The following FGGY variants were observed in gnomAD, a reference collection of about 807,000 sequenced individuals.
FGGY encodes FGGY carbohydrate kinase domain containing.
Under a neutral mutation model 71.3 loss-of-function variants are expected in FGGY, and 72 were observed. The observed-to-expected ratio is 1.01, with a 90% confidence interval of 0.84 to 1.23. The LOEUF (loss-of-function observed/expected upper bound fraction) is 1.23. Among genes scored for constraint, FGGY ranks in the 50% most tolerant of loss-of-function variants. The pLI is 0.00. For missense variants in FGGY, 668 were observed against 682.3 expected, an observed-to-expected ratio of 0.98 and a Z score of 0.23; for synonymous variants, 251 against 250.3, an observed-to-expected ratio of 1.00 and a Z score of -0.02.
chr1:59,595,967 T>C (rs192371759), intron 8 of FGGY, among the ~76,000 whole-genome samples: 1 of 152,280 alleles, frequency 6.6e-6, no homozygotes, highest in East Asian at 1.9e-4. Flanking sequence ...AGCTGAATAC[T>C]GTTACTCTGA....
intron 12 of FGGY, among the ~76,000 whole-genome samples, chr1:59,665,737 G>A (rs2097317558): frequency 6.7e-6 from 1 of 148,958 alleles, no homozygotes; most frequent in South Asian, 2.1e-4. Flanking sequence ...GCAATGGTGT[G>A]ATCTCGGCTC....
At chr1:59,373,502 G>A (rs954266512) in intron 4 of FGGY, among the ~76,000 whole-genome samples, 80 of 152,162 alleles carry the variant, frequency 5.3e-4, no homozygotes, top group African/African-American at 1.8e-3. Context: ...TATAGATTCA[G>A]TGCCATCCCC....
chr1:59,680,450 CT>C (rs71046337), intron 14 of FGGY, among the ~76,000 whole-genome samples: 97,665 of 127,112 alleles, frequency 0.77, 37,254 homozygotes, highest in Middle Eastern at 0.9. Context: ...ACAATACATT[CT>C]TTTTTTTTTT....
intron 1 of FGGY, among the ~76,000 whole-genome samples, chr1:59,316,963 G>C (rs969811975): frequency 3.7e-4 from 56 of 152,014 alleles, no homozygotes; most frequent in African/African-American, 1.3e-3. Flanking sequence ...CCCCAGTTCC[G>C]ACTCTCACCA....
intron 14 of FGGY, among the ~76,000 whole-genome samples, chr1:59,684,015 A>G (rs1371704466): frequency 2.0e-5 from 3 of 152,094 alleles, no homozygotes; most frequent in African/African-American, 7.2e-5. Flanking sequence ...AGTGGACTAG[A>G]TCTGGAAAAG....
chr1:59,708,770 T>A (rs1357185046), intron 14 of FGGY, among the ~76,000 whole-genome samples: 1 of 152,156 alleles, frequency 6.6e-6, no homozygotes, highest in East Asian at 1.9e-4. Flanking sequence ...CAGCGCTAAT[T>A]TGAAAATCTA....
chr1:59,592,740 A>C (rs1047930634), intron 8 of FGGY, among the ~76,000 whole-genome samples: 1 of 146,850 alleles, frequency 6.8e-6, no homozygotes, highest in South Asian at 2.2e-4. Flanking sequence ...AACAATGAGA[A>C]TACATGGACA....
At chr1:59,534,614 C>G (rs1426789747) in intron 7 of FGGY, among the ~76,000 whole-genome samples, 2 of 152,184 alleles carry the variant, frequency 1.3e-5, no homozygotes, top group African/African-American at 2.4e-5. Flanking sequence ...GGAAGCCCAT[C>G]AGACTAACAG....
In FGGY at chr1:59,704,923, A is replaced by AGCCCT. The variant is rs200329040; in HGVS notation, c.1512+30790_1512+30791insGCCCT. ...CCAATGATGTCCCTGTGCCTTTGCC[A>AGCCCT]ATGCTGGATATTGTCAGTTGTTTAA... is the stretch of plus-strand genomic sequence containing the variant. On this transcript the variant is annotated intron_variant, in intron 14 of 15. Transcript: ENST00000303721. Among the ~76,000 whole-genome samples, 655 of 152,324 alleles carry AGCCCT rather than the reference A, an allele frequency of 4.3e-3. 12 individuals carry two copies. The highest frequency in any genetic ancestry group is 0.015 in the African/African-American group (627 of 41,576).
At chr1:59,333,603 C>G (rs889728217) in intron 2 of FGGY, among the ~76,000 whole-genome samples, 2 of 152,176 alleles carry the variant, frequency 1.3e-5, no homozygotes, top group African/African-American at 4.8e-5. Flanking sequence ...CCAGTGATTT[C>G]CAAGCCAAGT....
chr1:59,717,257 T>C (rs534138548), intron 14 of FGGY, among the ~76,000 whole-genome samples: 10 of 152,226 alleles, frequency 6.6e-5, no homozygotes, highest in Non-Finnish European at 1.2e-4. Context: ...TTTTATAGGG[T>C]AATCTATATA....
intron 14 of FGGY, among the ~76,000 whole-genome samples, chr1:59,721,560 A>T (rs546869415): frequency 1.3e-5 from 2 of 151,446 alleles, no homozygotes; most frequent in Admixed American, 1.3e-4. Flanking sequence ...CTGGTCTCGA[A>T]CTCCTGACCT....
chr1:59,320,358 T>C (rs1374722005), intron 1 of FGGY, among the ~76,000 whole-genome samples: 2 of 152,256 alleles, frequency 1.3e-5, no homozygotes, highest in Non-Finnish European at 2.9e-5. Flanking sequence ...GGAAACATTT[T>C]CTTTCTGAAG....
chr1:59,599,781 A>G (rs929288362), intron 8 of FGGY, among the ~76,000 whole-genome samples: 1 of 151,974 alleles, frequency 6.6e-6, no homozygotes, highest in Non-Finnish European at 1.5e-5. Context: ...ATTTATGAAC[A>G]CTAAGAGTTG....
chr1:59,458,042 A>G (rs193203118), intron 6 of FGGY, among the ~76,000 whole-genome samples: 1 of 152,348 alleles, frequency 6.6e-6, no homozygotes, highest in Admixed American at 6.5e-5. Context: ...CCTGGCATGG[A>G]ATCAATAAAT....
intron 5 of FGGY, among the ~76,000 whole-genome samples, chr1:59,411,145 G>T (rs1004162188): frequency 2.6e-5 from 4 of 152,154 alleles, no homozygotes; most frequent in African/African-American, 9.7e-5. Flanking sequence ...TATCTCCTTT[G>T]TCTTTGGAAT....
chr1:59,385,124 G>C (rs962987802), intron 5 of FGGY, among the ~76,000 whole-genome samples: 7 of 152,104 alleles, frequency 4.6e-5, no homozygotes, highest in African/African-American at 1.7e-4. Flanking sequence ...ATGACAGTGT[G>C]TAAGAACACC....
chr1:59,429,586 C>G (rs2066974078), intron 5 of FGGY, among the ~76,000 whole-genome samples: 1 of 152,202 alleles, frequency 6.6e-6, no homozygotes, highest in South Asian at 2.1e-4. Flanking sequence ...CTCACTCCCC[C>G]AACACATGTA....
chr1:59,349,010 A>C (rs1321008199), intron 4 of FGGY, among the ~76,000 whole-genome samples: 1 of 152,200 alleles, frequency 6.6e-6, no homozygotes, highest in Admixed American at 6.5e-5. Flanking sequence ...ACTGAAACAC[A>C]AAATTGGAAT....
Sources: gnomAD v4.1 joint callset for allele counts (sites outside exome capture counted in the v4.1 genomes callset) on GRCh38, gnomAD v4.1.1 for gene constraint, MANE v1.5 for transcripts, NCBI Gene and HGNC (gene_info 2026-07-23, HGNC 2026-07-21) for gene names.